The following GSE1 variants were observed in gnomAD, a reference collection of about 807,000 sequenced individuals.
GSE1 encodes the protein Gse1 coiled-coil protein, also known as genetic suppressor element 1.
Under a neutral mutation model 112.6 loss-of-function variants are expected in GSE1, and 32 were observed. The observed-to-expected ratio is 0.28, with a 90% CI of 0.21 to 0.38. GSE1 has a LOEUF of 0.38. Ranked by LOEUF, GSE1 falls within the 10% of genes least tolerant of loss-of-function variation. GSE1 has a pLI of 1.00. For synonymous variants in GSE1, 1,115 were observed against 735.6 expected, an observed-to-expected ratio of 1.52 and a Z score of -8.35; for missense variants, 2,348 against 1,699.2, an observed-to-expected ratio of 1.38 and a Z score of -6.71.
At chr16:85,402,659 C>T (rs927692248) in intron 2 of GSE1, among the ~76,000 whole-genome samples, 2 of 151,986 alleles carry the variant, frequency 1.3e-5, no homozygotes, top group Non-Finnish European at 2.9e-5. Context: ...TGGTGGCTCA[C>T]ACCTGTAATC....
intron 1 of GSE1, among the ~76,000 whole-genome samples, chr16:85,627,026 G>C (rs1297049327): frequency 1.5e-5 from 1 of 67,788 alleles, no homozygotes; most frequent in Non-Finnish European, 2.9e-5. Context: ...CTGGGACTTT[G>C]CTTCCTTTTC....
At chr16:85,247,841 C>T (rs1165656830) in intron 1 of GSE1, among the ~76,000 whole-genome samples, 6 of 152,332 alleles carry the variant, frequency 3.9e-5, no homozygotes, top group South Asian at 4.1e-4. Flanking sequence ...ACCTGAGCCC[C>T]GTTCTGAACA....
chr16:85,481,044 G>A (rs988423432), intron 2 of GSE1, among the ~76,000 whole-genome samples: 3 of 152,162 alleles, frequency 2.0e-5, no homozygotes, highest in African/African-American at 7.2e-5. Flanking sequence ...TCTCTGGGCC[G>A]CTCGGCCTCC....
intron 2 of GSE1, among the ~76,000 whole-genome samples, chr16:85,491,329 C>G (rs2051003073): frequency 6.6e-6 from 1 of 152,186 alleles, no homozygotes; most frequent in Non-Finnish European, 1.5e-5. Flanking sequence ...TGCCCTGGAG[C>G]CACGAGGAAC....
At chr16:85,611,936 C>T (rs911746848), upstream of GSE1, among the ~76,000 whole-genome samples, 5 of 151,902 alleles carry the variant, frequency 3.3e-5, no homozygotes, top group Admixed American at 3.3e-4. Flanking sequence ...CTGGCGCGGG[C>T]ATGTCCCGGG....
chr16:85,513,489 C>G (rs940560557), intron 2 of GSE1, among the ~76,000 whole-genome samples: 16 of 152,286 alleles, frequency 1.1e-4, no homozygotes, highest in African/African-American at 3.9e-4. Context: ...GGCTACCCCC[C>G]TCACCGCTCA....
intron 1 of GSE1, among the ~76,000 whole-genome samples, chr16:85,246,100 C>T (rs938806337): frequency 1.3e-5 from 2 of 151,334 alleles, no homozygotes; most frequent in African/African-American, 4.9e-5. Context: ...TGCAGGAAAC[C>T]TGAGACCACA....
chr16:85,491,153 C>A (rs981665524), intron 2 of GSE1, among the ~76,000 whole-genome samples: 2 of 152,184 alleles, frequency 1.3e-5, no homozygotes, highest in African/African-American at 4.8e-5. Context: ...GCTTTTGAGC[C>A]TTCTCAGCTG....
At chr16:85,384,851 C>G (rs2047650399) in intron 2 of GSE1, among the ~76,000 whole-genome samples, 1 of 152,208 alleles carries the variant, frequency 6.6e-6, no homozygotes, top group African/African-American at 2.4e-5. Context: ...CAGAGCAGGC[C>G]TGTCCGAGTC....
At chr16:85,576,573 G>A (rs1016136289) in intron 1 of GSE1, among the ~76,000 whole-genome samples, 1 of 152,164 alleles carries the variant, frequency 6.6e-6, no homozygotes, top group Non-Finnish European at 1.5e-5. Flanking sequence ...CTGCTCTCCC[G>A]GGAGAAGCTG....
At chr16:85,445,601 G>A (rs1025884234) in intron 2 of GSE1, among the ~76,000 whole-genome samples, 4 of 152,182 alleles carry the variant, frequency 2.6e-5, no homozygotes, top group South Asian at 4.1e-4. Context: ...TAGACAAGTC[G>A]CACTTTTATT....
intron 1 of GSE1, among the ~76,000 whole-genome samples, chr16:85,559,744 T>C (rs559367931): frequency 6.6e-6 from 1 of 152,344 alleles, no homozygotes; most frequent in African/African-American, 2.4e-5. Flanking sequence ...TCCATAATTG[T>C]ATCTCCCTCA....
At chr16:85,275,955 AG>A (rs1277179588) in intron 1 of GSE1, among the ~76,000 whole-genome samples, 1 of 152,220 alleles carries the variant, frequency 6.6e-6, no homozygotes, top group Non-Finnish European at 1.5e-5. Flanking sequence ...GCAAAGTCAG[AG>A]GGGGTGCTTT....
At chr16:85,303,850 A>G (rs2045592077) in intron 1 of GSE1, among the ~76,000 whole-genome samples, 1 of 152,210 alleles carries the variant, frequency 6.6e-6, no homozygotes. Context: ...GCATGGGAGA[A>G]GGCTGGGAAT....
At chr16:85,609,654 CT>C (rs922725248), upstream of GSE1, among the ~76,000 whole-genome samples, 14 of 149,886 alleles carry the variant, frequency 9.3e-5, no homozygotes, top group African/African-American at 1.5e-4. Flanking sequence ...GGAAAGCTTT[CT>C]TTTTTTTTTC....
chr16:85,235,354 C>A (rs555698719), intron 1 of GSE1, among the ~76,000 whole-genome samples: 2 of 151,660 alleles, frequency 1.3e-5, no homozygotes, highest in Non-Finnish European at 2.9e-5. Flanking sequence ...CCCCTCACCC[C>A]CCTCCCACCT....
At chr16:85,602,890 G>A (rs2151489409) in intron 1 of GSE1, among the ~76,000 whole-genome samples, 1 of 152,376 alleles carries the variant, frequency 6.6e-6, no homozygotes, top group Non-Finnish European at 1.5e-5. Context: ...ACTGGTCTCA[G>A]GTCAGGGGTC....
intron 1 of GSE1, among the ~76,000 whole-genome samples, chr16:85,306,533 A>G (rs1157404506): frequency 6.6e-6 from 1 of 152,188 alleles, no homozygotes; most frequent in Admixed American, 6.5e-5. Flanking sequence ...CAGTAGGGGA[A>G]ATAACTTTCT....
chr16:85,320,001 C>T (rs994310388), intron 1 of GSE1, among the ~76,000 whole-genome samples: 1 of 152,216 alleles, frequency 6.6e-6, no homozygotes, highest in East Asian at 1.9e-4. Context: ...GTTCGCTTCT[C>T]CTTGGGGTTG....
Sources: allele counts gnomAD v4.1 joint callset (sites outside exome capture counted in the v4.1 genomes callset), GRCh38; gene constraint gnomAD v4.1.1; transcripts MANE v1.5; gene names NCBI Gene and HGNC (gene_info 2026-07-23, HGNC 2026-07-21).